SNX29: variants seen among roughly 807,000 people sequenced by gnomAD.
SNX29 encodes the protein sorting nexin-29.
In SNX29, 78 loss-of-function variants were observed where a neutral mutation model predicts 102.1. The ratio of observed to expected loss-of-function variants is 0.76; its 90% CI spans 0.64 to 0.92. The LOEUF (loss-of-function observed/expected upper bound fraction) is 0.92, where lower values mean the gene tolerates loss of function less well. SNX29 is among the 40% of genes least tolerant of loss of function. The pLI, the probability that SNX29 is intolerant of heterozygous loss-of-function variation, is 0.00. For synonymous variants in SNX29, 580 were observed against 414.5 expected (o/e 1.40, Z -4.85); for missense variants, 1,280 against 1,061.7 (o/e 1.21, Z -2.86).
chr16:12,516,620 A>G (rs75857703), intron 19 of SNX29, among the ~76,000 whole-genome samples: 1,878 of 152,258 alleles, frequency 0.012, 29 homozygotes, highest in East Asian at 0.05. Flanking sequence ...TCCAAAGCAG[A>G]TATCTCTTAA....
At chr16:12,191,049 T>G (rs1567295081) in intron 13 of SNX29, among the ~76,000 whole-genome samples, 2 of 152,186 alleles carry the variant, frequency 1.3e-5, no homozygotes, top group African/African-American at 4.8e-5. Context: ...AGACAATTTT[T>G]CCATGGGGAT....
intron 18 of SNX29, among the ~76,000 whole-genome samples, chr16:12,473,986 C>G (rs570807020): frequency 1.3e-5 from 2 of 152,294 alleles, no homozygotes; most frequent in Admixed American, 1.3e-4. Flanking sequence ...TCCTAATCAA[C>G]TTGCTTTCAT....
At chr16:11,990,340 C>T (rs73515622) in intron 1 of SNX29, among the ~76,000 whole-genome samples, 4,543 of 152,228 alleles carry the variant, frequency 0.03, 205 homozygotes, top group African/African-American at 0.1. Flanking sequence ...TCTGCTAGAG[C>T]TGGCTAGCAG....
chr16:11,978,447 T>C (rs1445240741), intron 1 of SNX29, among the ~76,000 whole-genome samples: 2 of 152,196 alleles, frequency 1.3e-5, no homozygotes, highest in African/African-American at 4.8e-5. Context: ...GTAGTACCTA[T>C]CTCCTAGGCT....
chr16:12,452,169 A>G (rs1324027217), intron 18 of SNX29, among the ~76,000 whole-genome samples: 1 of 152,222 alleles, frequency 6.6e-6, no homozygotes, highest in African/African-American at 2.4e-5. Context: ...GTTCTAGCTG[A>G]GTGGCCCTGG....
intron 19 of SNX29, among the ~76,000 whole-genome samples, chr16:12,482,084 A>C (rs567292986): frequency 5.9e-5 from 9 of 152,264 alleles, no homozygotes; most frequent in East Asian, 1.9e-4. Context: ...CACCTGCTTT[A>C]ATATCCCAAG....
intron 15 of SNX29, among the ~76,000 whole-genome samples, chr16:12,318,596 G>GACGCGGTGGCTTATGCCTGT (rs2080830866): frequency 2.6e-5 from 4 of 152,186 alleles, no homozygotes; most frequent in Admixed American, 2.6e-4. Context: ...CTCCTGGCTG[G>GACGCGGTGGCTTATGCCTGT]ACGCGGTGGC....
chr16:12,088,468 A>G (rs555813465), intron 11 of SNX29, among the ~76,000 whole-genome samples: 2 of 152,180 alleles, frequency 1.3e-5, no homozygotes, highest in East Asian at 1.9e-4. Context: ...CCCAGCCCTC[A>G]TTTATATGGG....
chr16:12,252,966 G>A (rs561148824), intron 14 of SNX29, among the ~76,000 whole-genome samples: 1 of 152,334 alleles, frequency 6.6e-6, no homozygotes, highest in Admixed American at 6.5e-5. Flanking sequence ...TGGCAGCTGG[G>A]ATAGGAGTGG....
At chr16:12,482,648 C>A (rs532562292) in intron 19 of SNX29, among the ~76,000 whole-genome samples, 112 of 152,282 alleles carry the variant, frequency 7.4e-4, no homozygotes, top group African/African-American at 2.5e-3. Flanking sequence ...AGCCTTGAAC[C>A]CATTAAATGA....
At chr16:12,173,315 A>G (rs1043063288) in intron 13 of SNX29, among the ~76,000 whole-genome samples, 1 of 152,178 alleles carries the variant, frequency 6.6e-6, no homozygotes, top group South Asian at 2.1e-4. Flanking sequence ...GCTTTTCCCT[A>G]CTGGCCACTT....
chr16:12,025,108 C>A lies in SNX29; in HGVS notation c.123-2212C>A, dbSNP rs568405651. On this transcript the variant is annotated intron_variant, in intron 3 of 20. Coordinates refer to ENST00000566228, the MANE Select transcript of SNX29 (RefSeq NM_032167.5). ...CCTGAGTTCAGGAGTTGGAGACCAG[C>A]CTGGCCGACATGGTGAAACCCCATC... 1.6e-4 allele frequency among the ~76,000 whole-genome samples: 25 copies of A among 152,094 alleles called. 1 individual carries two copies. The highest frequency in any genetic ancestry group is 6.8e-3 in the Middle Eastern group (2 of 294).
chr16:12,364,692 G>A (rs1285109336), intron 16 of SNX29, among the ~76,000 whole-genome samples: 2 of 152,254 alleles, frequency 1.3e-5, no homozygotes, highest in East Asian at 3.9e-4. Context: ...ATGCAAACAC[G>A]AGCTCACTTC....
chr16:12,292,711 C>T (rs184693560), intron 15 of SNX29, among the ~76,000 whole-genome samples: 7 of 152,284 alleles, frequency 4.6e-5, no homozygotes, highest in South Asian at 2.1e-4. Context: ...AAACATCCCC[C>T]GATATGTAAT....
At chr16:12,538,715 T>C (rs2077188551) in intron 20 of SNX29, among the ~76,000 whole-genome samples, 1 of 152,204 alleles carries the variant, frequency 6.6e-6, no homozygotes, top group East Asian at 1.9e-4. Context: ...GGCATGTACA[T>C]CAGGGAGCAC....
chr16:12,564,580 G>A (rs531854477), intron 20 of SNX29, among the ~76,000 whole-genome samples: 11 of 152,206 alleles, frequency 7.2e-5, no homozygotes, highest in South Asian at 2.1e-4. Flanking sequence ...CCATCCAGAC[G>A]CCCCTTTTTC....
chr16:12,511,114 C>G (rs997931703), intron 19 of SNX29, among the ~76,000 whole-genome samples: 1 of 152,224 alleles, frequency 6.6e-6, no homozygotes, highest in African/African-American at 2.4e-5. Context: ...AGATTTCTCA[C>G]TGTGCCAGGA....
rs2056340511 is a variant in SNX29 at position 12,002,977 on chromosome 16, C to G, written c.70-14C>G. The G allele has an allele frequency of 1.2e-6, 2 of 1,614,216 alleles. No individual in the cohort carries two copies. Among genetic ancestry groups the G allele is most frequent in the African/African-American group, 2.7e-5 (2 of 75,064 alleles). ...TCCCAACAGCTGATCTCAGCAGCTT[C>G]TTTTTCTGTGCAGTGCCAGATCCGC... On this transcript the variant is annotated splice_polypyrimidine_tract_variant and intron_variant, in intron 2 of 20. Transcript: ENST00000566228.
chr16:12,142,319 T>C (rs1044907452), intron 13 of SNX29, among the ~76,000 whole-genome samples: 34 of 152,066 alleles, frequency 2.2e-4, no homozygotes, highest in Non-Finnish European at 8.8e-5. Flanking sequence ...TCTCCTGAGC[T>C]GAGTGAGTTG....
Sources: gnomAD v4.1 joint callset for allele counts (sites outside exome capture counted in the v4.1 genomes callset) on GRCh38, gnomAD v4.1.1 for gene constraint, MANE v1.5 for transcripts, NCBI Gene and HGNC (gene_info 2026-07-23, HGNC 2026-07-21) for gene names.